Variants in CADM2 observed in about 807,000 individuals in gnomAD.
The protein encoded by CADM2 is cell adhesion molecule 2.
A neutral mutation model predicts 49.8 loss-of-function variants in CADM2; 12 were observed. That is an observed-to-expected ratio of 0.24 (90% CI 0.15 to 0.39). The LOEUF (loss-of-function observed/expected upper bound fraction) is 0.39. Ranked by LOEUF, CADM2 falls within the 10% of genes least tolerant of loss-of-function variation. CADM2 has a pLI of 1.00. For synonymous variants in CADM2, 214 were observed against 175.4 expected (o/e 1.22, Z -1.74); for missense variants, 378 against 492.3 (o/e 0.77, Z 2.20).
At chr3:85,976,790 C>T (rs1200044204) in intron 8 of CADM2, among the ~76,000 whole-genome samples, 2 of 151,368 alleles carry the variant, frequency 1.3e-5, no homozygotes, top group Non-Finnish European at 3.0e-5. Flanking sequence ...GAATGCTGAA[C>T]AGATAAAAAA....
At chr3:85,090,410 T>G (rs1213251339) in intron 1 of CADM2, among the ~76,000 whole-genome samples, 1 of 152,324 alleles carries the variant, frequency 6.6e-6, no homozygotes, top group South Asian at 2.1e-4. Flanking sequence ...CACGTTTTTG[T>G]GTCTTGTTTT....
intron 1 of CADM2, among the ~76,000 whole-genome samples, chr3:85,481,188 T>G (rs1188544978): frequency 6.7e-6 from 1 of 148,628 alleles, no homozygotes; most frequent in African/African-American, 2.4e-5. Flanking sequence ...ATGACCATTA[T>G]ACACCCACAT....
chr3:85,116,101 C>A (rs920047916), intron 1 of CADM2, among the ~76,000 whole-genome samples: 1 of 152,036 alleles, frequency 6.6e-6, no homozygotes, highest in Admixed American at 6.6e-5. Flanking sequence ...CTGAGGCGGG[C>A]AGATTACTTG....
chr3:85,030,037 C>G (rs781514063), intron 1 of CADM2, among the ~76,000 whole-genome samples: 17 of 152,146 alleles, frequency 1.1e-4, no homozygotes, highest in Non-Finnish European at 1.8e-4. Context: ...GTTTTTTTCT[C>G]ACTTCCTCTG....
intron 1 of CADM2, among the ~76,000 whole-genome samples, chr3:85,265,368 A>G (rs1399767038): frequency 2.0e-5 from 3 of 151,994 alleles, no homozygotes; most frequent in Non-Finnish European, 4.4e-5. Flanking sequence ...ATAAAAGATT[A>G]AAGTTTATTT....
Position 85,961,592 on chromosome 3 carries a change from T to C in CADM2, c.915T>C (p.Cys305=), listed in dbSNP as rs775275701. 6.2e-7 allele frequency: 1 copy of C among 1,607,202 alleles called. No homozygotes were observed. Among genetic ancestry groups the C allele is most frequent in the South Asian group, 1.1e-5 (1 of 90,402 alleles). ...AAACGGATAATGGTACATATCGATG[T>C]GAAGCCACAAACACCATTGGCCAAA... ...LNKTDNGTYR[C]EATNTIGQSS... is the part of the protein sequence containing the mutation. The change falls in exon 8 of 10, where the codon TGT becomes TGC. Residue 305 remains cysteine (C), a synonymous_variant. Coordinates refer to ENST00000383699, the MANE Select transcript of CADM2 (RefSeq NM_001167675.2).
chr3:85,436,683 T>C (rs1026610894), intron 1 of CADM2, among the ~76,000 whole-genome samples: 1 of 152,188 alleles, frequency 6.6e-6, no homozygotes, highest in Non-Finnish European at 1.5e-5. Context: ...TCAAACATTT[T>C]AAAGTAAACT....
At chr3:85,133,636 G>C (rs1326506181) in intron 1 of CADM2, among the ~76,000 whole-genome samples, 2 of 151,714 alleles carry the variant, frequency 1.3e-5, no homozygotes, top group Non-Finnish European at 1.5e-5. Context: ...ACAGAGTGTC[G>C]ATTGGTGCAT....
chr3:85,512,656 C>T (rs1300090976), intron 1 of CADM2, among the ~76,000 whole-genome samples: 1 of 151,758 alleles, frequency 6.6e-6, no homozygotes, highest in African/African-American at 2.4e-5. Flanking sequence ...ATTTTTGCAG[C>T]ATGTATTGCA....
At chr3:85,128,061 A>G (rs1185573444) in intron 1 of CADM2, among the ~76,000 whole-genome samples, 2 of 152,268 alleles carry the variant, frequency 1.3e-5, no homozygotes, top group African/African-American at 4.8e-5. Flanking sequence ...GTAGAGATAG[A>G]GAACATTTCC....
chr3:85,738,641 T>C (rs1302684969), intron 2 of CADM2, among the ~76,000 whole-genome samples: 3 of 152,234 alleles, frequency 2.0e-5, no homozygotes, highest in Non-Finnish European at 4.4e-5. Context: ...TAACTCACCA[T>C]ATCTCTCTTT....
At chr3:85,372,460 T>TGCATATAA (rs373214293) in intron 1 of CADM2, among the ~76,000 whole-genome samples, 1 of 148,222 alleles carries the variant, frequency 6.7e-6, no homozygotes, top group African/African-American at 2.5e-5. Context: ...TATGTATATA[T>TGCATATAA]ATGAGATCAA....
At chr3:85,865,560 T>G (rs2075691956) in intron 3 of CADM2, among the ~76,000 whole-genome samples, 1 of 152,218 alleles carries the variant, frequency 6.6e-6, no homozygotes, top group South Asian at 2.1e-4. Flanking sequence ...AAATACTTAG[T>G]GCACTGCACT....
chr3:85,329,449 A>T (rs1199126590), intron 1 of CADM2, among the ~76,000 whole-genome samples: 1 of 151,952 alleles, frequency 6.6e-6, no homozygotes, highest in Non-Finnish European at 1.5e-5. Context: ...GCACACCTGT[A>T]ATCCCAGCTA....
chr3:85,529,383 C>T (rs1271315675), intron 1 of CADM2, among the ~76,000 whole-genome samples: 1 of 152,162 alleles, frequency 6.6e-6, no homozygotes, highest in Non-Finnish European at 1.5e-5. Flanking sequence ...TGGATACATG[C>T]ATTTTGAGCC....
chr3:85,380,920 A>AT (rs1415378615), intron 1 of CADM2, among the ~76,000 whole-genome samples: 6 of 152,090 alleles, frequency 3.9e-5, no homozygotes, highest in African/African-American at 1.4e-4. Flanking sequence ...AACACAGTAC[A>AT]TTTTTATTTA....
intron 1 of CADM2, among the ~76,000 whole-genome samples, chr3:85,338,328 T>C (rs1051258883): frequency 2.0e-5 from 3 of 151,678 alleles, no homozygotes; most frequent in Non-Finnish European, 4.4e-5. Flanking sequence ...ATACTTTTAA[T>C]AACTGGTTAA....
chr3:85,131,743 C>G (rs1228492555), intron 1 of CADM2, among the ~76,000 whole-genome samples: 2 of 152,032 alleles, frequency 1.3e-5, no homozygotes, highest in Non-Finnish European at 2.9e-5. Context: ...AAATGTTCCC[C>G]TTCAAATTTA....
intron 1 of CADM2, among the ~76,000 whole-genome samples, chr3:85,476,532 C>A (rs752607036): frequency 2.0e-5 from 3 of 151,772 alleles, no homozygotes; most frequent in African/African-American, 4.8e-5. Flanking sequence ...CTAATTCACT[C>A]TTTTATGAGT....
Sources: allele counts gnomAD v4.1 joint callset (sites outside exome capture counted in the v4.1 genomes callset), GRCh38; gene constraint gnomAD v4.1.1; transcripts MANE v1.5; gene names NCBI Gene and HGNC (gene_info 2026-07-23, HGNC 2026-07-21).